Variants in MCPH1 observed in about 807,000 individuals in gnomAD.
MCPH1 encodes microcephalin.
In MCPH1, 104 loss-of-function variants were observed where a neutral mutation model predicts 84.5. That is an observed-to-expected ratio of 1.23 (90% confidence interval 1.05 to 1.45). MCPH1 has a LOEUF of 1.45. MCPH1 is among the 40% of genes most tolerant of loss of function. The pLI is 0.00. For missense variants in MCPH1, 1,498 were observed against 1,005.7 expected, an observed-to-expected ratio of 1.49 and a Z score of -6.62; for synonymous variants, 514 against 366.8, an observed-to-expected ratio of 1.40 and a Z score of -4.58.
rs199553451 is a variant in MCPH1, at chr8:6,445,007, C to A, written c.1285C>A (p.Leu429Ile). The A allele has an allele frequency of 6.2e-7, 1 of 1,614,220 alleles. No homozygotes were observed. The change falls in exon 8 of 14, where the codon CTT becomes ATT. Residue 429 changes from leucine (L) to isoleucine (I), a missense_variant. By Grantham distance (5) the Leu-to-Ile change is conservative (BLOSUM62 2). Coordinates refer to ENST00000344683, the MANE Select transcript of MCPH1 (RefSeq NM_024596.5). Reference protein sequence around the residue: ...DNLKERYSENLPPESQLPSSP... With the variant: ...DNLKERYSENIPPESQLPSSP... Reference sequence around the variant, plus strand: ...TCTTAAGGAAAGGTATTCAGAGAATCTTCCTCCTGAATCTCAGCTGCCATC... The same window carrying A: ...TCTTAAGGAAAGGTATTCAGAGAATATTCCTCCTGAATCTCAGCTGCCATC...
chr8:6,604,368 C>T (rs753882049), intron 12 of MCPH1, among the ~76,000 whole-genome samples: 9 of 152,240 alleles, frequency 5.9e-5, no homozygotes, highest in African/African-American at 2.2e-4. Context: ...GATCAGATCT[C>T]TGTTGTAGAC....
rs773353540 is a variant in MCPH1, at chr8:6,431,521, A to G, written c.256A>G (p.Ile86Val). The change falls in exon 4 of 14, where the codon ATT (isoleucine) becomes GTT (valine). Residue 86 changes from isoleucine (I) to valine (V), a missense_variant. By Grantham distance (29) the Ile-to-Val change is conservative. Transcript: ENST00000344683. ...CAGATGCAGGACAGCTGGAGCACAC[A>G]TTGATGAATCATTGTTCCCTGCAGC... is the stretch of plus-strand genomic sequence containing the variant. ...VEKCRTAGAH[I>V]DESLFPAANM... is the part of the protein sequence containing the mutation. 1.7e-5 allele frequency: 27 copies of G among 1,613,580 alleles called. No homozygotes were observed. The highest frequency in any genetic ancestry group is 6.7e-5 in the Admixed American group (4 of 59,992).
At chr8:6,584,086 A>T (rs1325644856) in intron 12 of MCPH1, among the ~76,000 whole-genome samples, 1 of 152,028 alleles carries the variant, frequency 6.6e-6, no homozygotes, top group Non-Finnish European at 1.5e-5. Context: ...ATCTTCCAAC[A>T]TTCCTGCCAC....
intron 12 of MCPH1, among the ~76,000 whole-genome samples, chr8:6,594,351 G>A (rs1828756012): frequency 6.6e-6 from 1 of 152,236 alleles, no homozygotes; most frequent in African/African-American, 2.4e-5. Context: ...AGTCACAGCT[G>A]TGGAATTTTA....
At chr8:6,491,694 C>A (rs1346503692) in intron 11 of MCPH1, among the ~76,000 whole-genome samples, 1 of 151,854 alleles carries the variant, frequency 6.6e-6, no homozygotes, top group African/African-American at 2.4e-5. Context: ...TCTCATTGTT[C>A]AATTCCCACC....
chr8:6,508,882 T>C, intron 12 of MCPH1: 1 of 1,612,562 alleles, frequency 6.2e-7, no homozygotes, highest in Non-Finnish European at 8.5e-7. Flanking sequence ...TTTCCCTCTA[T>C]GAAATCATTC....
chr8:6,565,565 A>G (rs1826081058), intron 12 of MCPH1, among the ~76,000 whole-genome samples: 1 of 152,092 alleles, frequency 6.6e-6, no homozygotes, highest in East Asian at 1.9e-4. Flanking sequence ...TGGCCTGCAT[A>G]TATGGTTTTA....
At chr8:6,411,991 G>A (rs534000759) in intron 2 of MCPH1, among the ~76,000 whole-genome samples, 1 of 152,292 alleles carries the variant, frequency 6.6e-6, no homozygotes, top group African/African-American at 2.4e-5. Context: ...AAAAATGGGA[G>A]AAAAGATAAT....
At chr8:6,553,569 A>G (rs1824052607) in intron 12 of MCPH1, among the ~76,000 whole-genome samples, 1 of 152,232 alleles carries the variant, frequency 6.6e-6, no homozygotes, top group Admixed American at 6.5e-5. Flanking sequence ...CTTTATTCAA[A>G]CAACGGGAGA....
intron 13 of MCPH1, among the ~76,000 whole-genome samples, chr8:6,631,316 A>C (rs1221247250): frequency 6.6e-6 from 1 of 152,252 alleles, no homozygotes; most frequent in Non-Finnish European, 1.5e-5. Context: ...ATTAAGGTAA[A>C]AATAGATAAA....
intron 12 of MCPH1, among the ~76,000 whole-genome samples, chr8:6,518,559 C>G (rs1486101130): frequency 6.6e-6 from 1 of 152,172 alleles, no homozygotes; most frequent in Non-Finnish European, 1.5e-5. Context: ...AATCAAGATA[C>G]ATGTTACTGT....
intron 8 of MCPH1, chr8:6,445,850 T>C: frequency 9.1e-7 from 1 of 1,099,100 alleles, no homozygotes; most frequent in Non-Finnish European, 1.1e-6. Context: ...AGTGAAGTCT[T>C]TTTCCTTATT....
At chr8:6,529,876 A>G (rs1326740140) in intron 12 of MCPH1, among the ~76,000 whole-genome samples, 3 of 117,390 alleles carry the variant, frequency 2.6e-5, no homozygotes, top group Admixed American at 9.5e-5. Context: ...TAGTTTCACA[A>G]TAGGCGTTTT....
At chr8:6,575,311 T>C (rs1294319631) in intron 12 of MCPH1, among the ~76,000 whole-genome samples, 1 of 152,164 alleles carries the variant, frequency 6.6e-6, no homozygotes, top group South Asian at 2.1e-4. Context: ...CTTAGCAATG[T>C]GGGTTTTTCT....
At position 6,455,158 on chromosome 8, in the gene MCPH1, C is replaced by CA. The variant is rs760526354; in HGVS notation, c.1843dup (p.Thr615AsnfsTer4). On this transcript the variant is annotated frameshift_variant, in exon 9 of 14. Transcript: ENST00000344683. LOFTEE classifies it high-confidence loss of function. Reference sequence around the variant, plus strand: ...TGGGTTTTAGGTGTTAAAAATAGACCAACAAGGCATGATGTTTTAGATGAC... The same window carrying CA: ...TGGGTTTTAGGTGTTAAAAATAGACCAAACAAGGCATGATGTTTTAGATGAC... The CA allele has an allele frequency of 6.2e-7, 1 of 1,613,628 alleles. No homozygotes were observed. Among genetic ancestry groups the CA allele is most frequent in the Admixed American group, 1.7e-5 (1 of 60,000 alleles).
chr8:6,439,961 A>T (rs1297526720), intron 6 of MCPH1, among the ~76,000 whole-genome samples: 1 of 152,218 alleles, frequency 6.6e-6, no homozygotes, highest in Non-Finnish European at 1.5e-5. Flanking sequence ...ATCTGTGTAT[A>T]CATGAAAAAG....
chr8:6,572,724 A>G (rs776652058), intron 12 of MCPH1, among the ~76,000 whole-genome samples: 3 of 152,236 alleles, frequency 2.0e-5, no homozygotes, highest in African/African-American at 7.2e-5. Flanking sequence ...GTCTGTCTCC[A>G]TAAGGAGCCA....
intron 12 of MCPH1, among the ~76,000 whole-genome samples, chr8:6,585,951 G>A (rs1212443650): frequency 2.0e-5 from 3 of 152,178 alleles, no homozygotes; most frequent in Admixed American, 6.5e-5. Flanking sequence ...GAAAGCAAGT[G>A]AAGCCATCCT....
At chr8:6,438,332 C>G (rs1312820181) in intron 5 of MCPH1, among the ~76,000 whole-genome samples, 1 of 152,090 alleles carries the variant, frequency 6.6e-6, no homozygotes, top group Non-Finnish European at 1.5e-5. Context: ...GCTTAAGAGT[C>G]CCAAAGGAGA....
Sources: gnomAD v4.1 joint callset for allele counts (sites outside exome capture counted in the v4.1 genomes callset) on GRCh38, gnomAD v4.1.1 for gene constraint, MANE v1.5 for transcripts, NCBI Gene and HGNC (gene_info 2026-07-23, HGNC 2026-07-21) for gene names.